TCF7L2: variants seen among roughly 807,000 people sequenced by gnomAD.
The protein encoded by TCF7L2 is transcription factor 7 like 2, also known as transcription factor 7-like 2.
In TCF7L2, 23 loss-of-function variants were observed where a neutral mutation model predicts 77.9. That is an observed-to-expected ratio of 0.30 (90% CI 0.21 to 0.42). The LOEUF (loss-of-function observed/expected upper bound fraction) is 0.42, where lower values mean the gene tolerates loss of function less well. Ranked by LOEUF, TCF7L2 falls within the 10% of genes least tolerant of loss-of-function variation. The pLI is 1.00. For synonymous variants in TCF7L2, 413 were observed against 340.2 expected, an observed-to-expected ratio of 1.21 and a Z score of -2.36; for missense variants, 654 against 793.1, an observed-to-expected ratio of 0.82 and a Z score of 2.11.
At chr10:112,981,197 C>A (rs1055091486) in intron 4 of TCF7L2, among the ~76,000 whole-genome samples, 1 of 151,652 alleles carries the variant, frequency 6.6e-6, no homozygotes, top group Non-Finnish European at 1.5e-5. Flanking sequence ...ACAGAAGATA[C>A]GATTTGTGAA....
intron 3 of TCF7L2, among the ~76,000 whole-genome samples, chr10:112,958,471 A>T (rs2134396261): frequency 6.6e-6 from 1 of 152,114 alleles, no homozygotes; most frequent in Non-Finnish European, 1.5e-5. Context: ...CTTGAAACCG[A>T]TAAATCACTT....
chr10:113,129,912 T>G (rs2066289710), intron 5 of TCF7L2: 10 of 1,294,060 alleles, frequency 7.7e-6, no homozygotes, highest in Non-Finnish European at 1.0e-5. Context: ...ATTTGAGTGG[T>G]AAGGGAGGCG....
intron 4 of TCF7L2, among the ~76,000 whole-genome samples, chr10:113,006,161 G>A (rs955166612): frequency 1.3e-5 from 2 of 152,174 alleles, no homozygotes; most frequent in Non-Finnish European, 2.9e-5. Context: ...GGGAGAGGCG[G>A]CAACTTGGGA....
chr10:113,095,630 G>A lies in TCF7L2; in HGVS notation c.553-45554G>A, dbSNP rs374769967. ...AGCTTGCTACCAGGAAAACAGACGCGGAGAAGCCGGGATCATTTCTGGCCC... is the reference window on the plus strand; with the variant it reads ...AGCTTGCTACCAGGAAAACAGACGCAGAGAAGCCGGGATCATTTCTGGCCC... On this transcript the variant is annotated intron_variant, in intron 5 of 13. Transcript: ENST00000627217. 4.9e-4 allele frequency among the ~76,000 whole-genome samples: 74 copies of A among 152,264 alleles called. No individual in the cohort carries two copies. The South Asian group carries it at 0.012, about 24-fold the overall frequency.
At chr10:113,101,085 A>G (rs563622141) in intron 5 of TCF7L2, among the ~76,000 whole-genome samples, 145 of 152,012 alleles carry the variant, frequency 9.5e-4, no homozygotes, top group African/African-American at 3.3e-3. Flanking sequence ...CAAGGGGGGA[A>G]AAAATCCATC....
At chr10:113,054,291 A>G (rs1394050563) in intron 5 of TCF7L2, among the ~76,000 whole-genome samples, 1 of 152,248 alleles carries the variant, frequency 6.6e-6, no homozygotes, top group Non-Finnish European at 1.5e-5. Flanking sequence ...GTTACAATGG[A>G]TGGAAGGTTT....
At chr10:112,988,937 A>G (rs747887772) in intron 4 of TCF7L2, among the ~76,000 whole-genome samples, 1 of 152,202 alleles carries the variant, frequency 6.6e-6, no homozygotes, top group Admixed American at 6.5e-5. Context: ...CAGAATTTCA[A>G]AGAAGGTAGG....
intron 5 of TCF7L2, among the ~76,000 whole-genome samples, chr10:113,041,718 A>AT (rs879767185): frequency 4.6e-4 from 69 of 151,122 alleles, no homozygotes; most frequent in South Asian, 1.3e-3. Context: ...ATATACAGAG[A>AT]TTTTTTTTTT....
intron 4 of TCF7L2, among the ~76,000 whole-genome samples, chr10:112,979,533 G>C (rs2040086527): frequency 6.6e-6 from 1 of 152,138 alleles, no homozygotes; most frequent in Non-Finnish European, 1.5e-5. Flanking sequence ...GAGGCGGGCG[G>C]ATCACTTGAG....
chr10:112,992,575 C>T (rs545062192), intron 4 of TCF7L2, among the ~76,000 whole-genome samples: 1 of 152,196 alleles, frequency 6.6e-6, no homozygotes, highest in East Asian at 1.9e-4. Flanking sequence ...ATTGCGTTAT[C>T]TTTACCAAGT....
At chr10:113,079,114 G>A (rs1226176616) in intron 5 of TCF7L2, among the ~76,000 whole-genome samples, 1 of 152,218 alleles carries the variant, frequency 6.6e-6, no homozygotes, top group Non-Finnish European at 1.5e-5. Context: ...GATTACAGGC[G>A]TGAGCCAGTG....
chr10:113,024,786 A>G (rs534469997), intron 4 of TCF7L2, among the ~76,000 whole-genome samples: 71 of 151,598 alleles, frequency 4.7e-4, no homozygotes, highest in African/African-American at 1.7e-3. Flanking sequence ...CGCACAGCTA[A>G]TTTTTGTATT....
intron 5 of TCF7L2, among the ~76,000 whole-genome samples, chr10:113,053,992 A>G (rs1031180234): frequency 1.2e-4 from 18 of 152,182 alleles, no homozygotes; most frequent in Admixed American, 2.6e-4. Context: ...TCAGGCACAC[A>G]TACAGGCGGG....
chr10:113,093,984 C>T (rs1484004050), intron 5 of TCF7L2, among the ~76,000 whole-genome samples: 2 of 152,200 alleles, frequency 1.3e-5, no homozygotes, highest in Non-Finnish European at 2.9e-5. Flanking sequence ...TGATCAGTGG[C>T]CGGGGATTAG....
intron 11 of TCF7L2, among the ~76,000 whole-genome samples, chr10:113,155,647 T>C (rs2071716569): frequency 6.6e-6 from 1 of 152,184 alleles, no homozygotes; most frequent in African/African-American, 2.4e-5. Context: ...CGGGGATGCT[T>C]TTTCACACAT....
chr10:113,097,907 C>A (rs1329158334), intron 5 of TCF7L2, among the ~76,000 whole-genome samples: 1 of 150,958 alleles, frequency 6.6e-6, no homozygotes, highest in Non-Finnish European at 1.5e-5. Context: ...GAAAAATTAG[C>A]CAGGCGTGGT....
intron 11 of TCF7L2, among the ~76,000 whole-genome samples, chr10:113,157,183 A>G (rs1321988355): frequency 1.3e-5 from 2 of 152,210 alleles, no homozygotes; most frequent in African/African-American, 2.4e-5. Flanking sequence ...CAGTAGCATG[A>G]TCTCGGCTCA....
rs111985046 is a variant in TCF7L2 at position 112,966,830 on chromosome 10, C to G, written c.450+2206C>G. Reference sequence around the variant, plus strand: ...TTACAGAGCTCATTGTTTTGGAGGACTGAAACCATTACTATTCCTCCATGA... The same window carrying G: ...TTACAGAGCTCATTGTTTTGGAGGAGTGAAACCATTACTATTCCTCCATGA... On this transcript the variant is annotated intron_variant, in intron 4 of 13. Coordinates refer to ENST00000627217, the MANE Select transcript of TCF7L2 (RefSeq NM_001146274.2). Among the ~76,000 whole-genome samples the G allele has an allele frequency of 5.5e-3, 832 of 152,310 alleles. 11 individuals are homozygous for G. Among genetic ancestry groups the G allele is most frequent in the African/African-American group, 0.019 (782 of 41,566 alleles).
intron 5 of TCF7L2, among the ~76,000 whole-genome samples, chr10:113,063,177 T>G (rs1277386191): frequency 6.6e-6 from 1 of 152,196 alleles, no homozygotes; most frequent in Non-Finnish European, 1.5e-5. Flanking sequence ...GAAATAGCTC[T>G]AAGCTCATGA....
Sources: gnomAD v4.1 joint callset for allele counts (sites outside exome capture counted in the v4.1 genomes callset) on GRCh38, gnomAD v4.1.1 for gene constraint, MANE v1.5 for transcripts, NCBI Gene and HGNC (gene_info 2026-07-23, HGNC 2026-07-21) for gene names.